KIF16B: variants seen among roughly 807,000 people sequenced by gnomAD.
KIF16B encodes kinesin family member 16B, also known as kinesin-like protein KIF16B.
KIF16B carries 98 observed loss-of-function variants against 156.3 expected under a neutral mutation model. The ratio of observed to expected loss-of-function variants is 0.63; its 90% CI spans 0.53 to 0.74. The LOEUF (loss-of-function observed/expected upper bound fraction) is 0.74, where lower values mean the gene tolerates loss of function less well. Ranked by LOEUF, KIF16B falls within the 30% of genes least tolerant of loss-of-function variation. The pLI, the probability that KIF16B is intolerant of heterozygous loss-of-function variation, is 0.00. For synonymous variants in KIF16B, 564 were observed against 583.7 expected (o/e 0.97, Z 0.49); for missense variants, 1,421 against 1,606.5 (o/e 0.88, Z 1.97).
intron 3 of KIF16B, among the ~76,000 whole-genome samples, chr20:16,525,510 T>C (rs2069507567): frequency 6.6e-6 from 1 of 152,184 alleles, no homozygotes; most frequent in Non-Finnish European, 1.5e-5. Flanking sequence ...GGGGCACCTT[T>C]GTGTCTGTTA....
At chr20:16,382,106 G>A (rs759561703) in intron 17 of KIF16B, 2 of 1,356,278 alleles carry the variant, frequency 1.5e-6, no homozygotes, top group Non-Finnish European at 2.0e-6. Context: ...ACCTTAGACA[G>A]ATGGGTCCTT....
At chr20:16,293,553 A>G (rs1424494995) in intron 25 of KIF16B, among the ~76,000 whole-genome samples, 1 of 152,096 alleles carries the variant, frequency 6.6e-6, no homozygotes, top group Non-Finnish European at 1.5e-5. Flanking sequence ...GTGTTTCATT[A>G]AAGTGAGGGA....
chr20:16,537,703 C>CTTTTTT (rs1568659703), intron 1 of KIF16B, among the ~76,000 whole-genome samples: 1 of 121,746 alleles, frequency 8.2e-6, no homozygotes, highest in African/African-American at 3.0e-5. Flanking sequence ...TTCTTTTTTT[C>CTTTTTT]GTTTTTTTTT....
chr20:16,277,712 G>C (rs1273218256), intron 25 of KIF16B, among the ~76,000 whole-genome samples: 1 of 152,078 alleles, frequency 6.6e-6, no homozygotes, highest in East Asian at 1.9e-4. Flanking sequence ...CTTTATAAAA[G>C]AGCATTGCGA....
Position 16,312,345 on chromosome 20 carries a change from C to T in KIF16B, c.3785G>A (p.Ser1262Asn). ...GCTTAATTCTGTTACCTCTAAGTGA[C>T]TTCGTCTCTCAGCAATCACACGTTC... ...KDERVIAERR[S>N]HLEKYLRDFF... Residue 1262 changes from serine (S) to asparagine (N), a missense_variant, in exon 25 of 26, where the codon AGT becomes AAT. Transcript: ENST00000354981. The T allele has an allele frequency of 1.2e-6, 2 of 1,612,732 alleles. No homozygotes were observed. Among genetic ancestry groups the T allele is most frequent in the East Asian group, 4.5e-5 (2 of 44,820 alleles).
At chr20:16,325,379 A>G (rs1601572464) in intron 24 of KIF16B, among the ~76,000 whole-genome samples, 1 of 147,418 alleles carries the variant, frequency 6.8e-6, no homozygotes, top group East Asian at 2.0e-4. Context: ...TGTTCACGAG[A>G]TATAATTGTA....
chr20:16,358,951 A>T (rs2064497562), intron 22 of KIF16B, among the ~76,000 whole-genome samples: 1 of 152,234 alleles, frequency 6.6e-6, no homozygotes, highest in Non-Finnish European at 1.5e-5. Context: ...GGCCTTGGGA[A>T]TACAATATAA....
chr20:16,544,232 T>C (rs929443467), intron 1 of KIF16B, among the ~76,000 whole-genome samples: 2 of 152,068 alleles, frequency 1.3e-5, no homozygotes, highest in South Asian at 4.2e-4. Flanking sequence ...CCCGCCTCTG[T>C]GAGTCCTGGG....
chr20:16,513,537 G>A (rs1290170005), intron 4 of KIF16B, among the ~76,000 whole-genome samples: 1 of 151,918 alleles, frequency 6.6e-6, no homozygotes, highest in Non-Finnish European at 1.5e-5. Context: ...GCACATGCCT[G>A]TAATCCCAGC....
At chr20:16,407,540 C>A (rs957433348) in intron 15 of KIF16B, among the ~76,000 whole-genome samples, 1 of 152,066 alleles carries the variant, frequency 6.6e-6, no homozygotes, top group Non-Finnish European at 1.5e-5. Context: ...TGGGTCTCAC[C>A]GGATAACCAG....
intron 15 of KIF16B, among the ~76,000 whole-genome samples, chr20:16,408,255 T>C (rs1013356218): frequency 4.6e-5 from 7 of 152,046 alleles, no homozygotes; most frequent in Admixed American, 3.3e-4. Flanking sequence ...AGAAACAAAG[T>C]CACTATGAAA....
At position 16,504,141 on chromosome 20, in the gene KIF16B, G is replaced by C. The variant is rs189933616; in HGVS notation, c.1176+231C>G. ...CCATTCATAATTGATAACTATTAGA[G>C]AGTTAATCATTTCAGGTTTAGTGGA... On this transcript the variant is annotated intron_variant, in intron 10 of 25. Transcript: ENST00000354981. Among the ~76,000 whole-genome samples the C allele has an allele frequency of 3.3e-5, 5 of 152,216 alleles. No homozygotes were observed. In the East Asian group the frequency reaches 9.6e-4, roughly 29 times the overall value.
intron 12 of KIF16B, among the ~76,000 whole-genome samples, chr20:16,486,551 T>C (rs73898790): frequency 1.1e-3 from 160 of 152,292 alleles, no homozygotes; most frequent in Middle Eastern, 3.4e-3. Flanking sequence ...AGGCATGACC[T>C]ACACATGGAC....
intron 25 of KIF16B, among the ~76,000 whole-genome samples, chr20:16,276,581 T>C (rs1378442294): frequency 6.6e-6 from 1 of 152,226 alleles, no homozygotes; most frequent in Non-Finnish European, 1.5e-5. Context: ...GAAGCGTTCT[T>C]TGCAGCGACC....
chr20:16,563,871 C>T (rs2147380992), intron 1 of KIF16B, among the ~76,000 whole-genome samples: 1 of 152,148 alleles, frequency 6.6e-6, no homozygotes, highest in East Asian at 1.9e-4. Context: ...CAGACATTTG[C>T]ATCATATTAC....
rs375533801 is a variant in KIF16B, at chr20:16,333,871, CA to C, written c.3711+2054del. On this transcript the variant is annotated intron_variant, in intron 24 of 25. Coordinates refer to ENST00000354981, the MANE Select transcript of KIF16B (RefSeq NM_024704.5). ...AAACAACCTTGTACTAAAGTGTGCC[CA>C]ACACCTTCTGCCCCACCATTCTTTA... Among the ~76,000 whole-genome samples, 190 of 152,260 alleles carry C rather than the reference CA, an allele frequency of 1.2e-3. 1 individual carries two copies. The highest frequency in any genetic ancestry group is 3.8e-3 in the African/African-American group (157 of 41,542).
At chr20:16,435,635 C>T (rs552815515) in intron 12 of KIF16B, among the ~76,000 whole-genome samples, 1 of 152,252 alleles carries the variant, frequency 6.6e-6, no homozygotes, top group Non-Finnish European at 1.5e-5. Context: ...CATTTGTTGA[C>T]CGTCTACTTC....
At chr20:16,525,878 G>T (rs1239113154) in intron 3 of KIF16B, among the ~76,000 whole-genome samples, 1 of 150,392 alleles carries the variant, frequency 6.6e-6, no homozygotes, top group Non-Finnish European at 1.5e-5. Context: ...GCTCAAAGGT[G>T]AAAAAAAAAT....
At chr20:16,555,330 G>A (rs1209272527) in intron 1 of KIF16B, among the ~76,000 whole-genome samples, 1 of 149,864 alleles carries the variant, frequency 6.7e-6, no homozygotes, top group Non-Finnish European at 1.5e-5. Flanking sequence ...TCAGAAGACA[G>A]AGTGCCACGT....
Sources: allele counts gnomAD v4.1 joint callset (sites outside exome capture counted in the v4.1 genomes callset), GRCh38; gene constraint gnomAD v4.1.1; transcripts MANE v1.5; gene names NCBI Gene and HGNC (gene_info 2026-07-23, HGNC 2026-07-21).